Variants in SMOC1 observed in about 807,000 individuals in gnomAD.
The protein encoded by SMOC1 is SPARC related modular calcium binding 1, also known as SPARC-related modular calcium-binding protein 1.
In SMOC1, 22 loss-of-function variants were observed where a neutral mutation model predicts 56.3. The observed-to-expected ratio is 0.39, with a 90% CI of 0.28 to 0.56. The LOEUF (loss-of-function observed/expected upper bound fraction) is 0.56, where lower values mean the gene tolerates loss of function less well. SMOC1 is among the 20% of genes least tolerant of loss of function. The pLI is 0.61. For missense variants in SMOC1, 509 were observed against 565.4 expected, an observed-to-expected ratio of 0.90 and a Z score of 1.01; for synonymous variants, 193 against 215.0, an observed-to-expected ratio of 0.90 and a Z score of 0.89.
intron 3 of SMOC1, among the ~76,000 whole-genome samples, chr14:69,962,797 G>T (rs139341309): frequency 2.6e-5 from 4 of 151,206 alleles, no homozygotes; most frequent in African/African-American, 9.7e-5. Flanking sequence ...GGCTGGTCTT[G>T]AACTCCTGAG....
chr14:70,027,249 G>A lies in SMOC1; in HGVS notation c.1292-2993G>A, dbSNP rs139641442. On this transcript the variant is annotated intron_variant, in intron 11 of 11. Transcript: ENST00000361956. Reference sequence around the variant, plus strand: ...CATGTGAGGTACCACCACTGCTGGCGCTTGGCCCAGCCTCAGGATTCCTGG... The same window carrying A: ...CATGTGAGGTACCACCACTGCTGGCACTTGGCCCAGCCTCAGGATTCCTGG... Among the ~76,000 whole-genome samples the A allele has an allele frequency of 2.0e-3, 311 of 152,334 alleles. 7 individuals carry two copies. The highest frequency in any genetic ancestry group is 0.017 in the Admixed American group (256 of 15,306).
At chr14:70,029,771 A>G (rs1361762326) in intron 11 of SMOC1, among the ~76,000 whole-genome samples, 1 of 152,184 alleles carries the variant, frequency 6.6e-6, no homozygotes, top group Non-Finnish European at 1.5e-5. Flanking sequence ...GGGATTGGCC[A>G]GGTGACTTAA....
intron 7 of SMOC1, among the ~76,000 whole-genome samples, chr14:70,000,887 C>A (rs1009085374): frequency 5.3e-5 from 8 of 152,348 alleles, no homozygotes; most frequent in African/African-American, 1.9e-4. Context: ...CTGTAAACAT[C>A]CCTGTGAGGA....
At chr14:69,995,539 A>C (rs555077557) in intron 7 of SMOC1, among the ~76,000 whole-genome samples, 1 of 152,332 alleles carries the variant, frequency 6.6e-6, no homozygotes, top group East Asian at 1.9e-4. Context: ...GCAGTGGTTA[A>C]AGCACAGGCT....
intron 3 of SMOC1, among the ~76,000 whole-genome samples, chr14:69,962,353 T>C (rs1585375): frequency 0.34 from 52,067 of 151,676 alleles, 9,245 homozygotes; most frequent in African/African-American, 0.42. Flanking sequence ...ATATTAGAGA[T>C]GGGGTTTCAC....
chr14:69,988,282 G>T (rs966429021), intron 5 of SMOC1, among the ~76,000 whole-genome samples: 8 of 105,282 alleles, frequency 7.6e-5, no homozygotes, highest in Non-Finnish European at 1.1e-4. Flanking sequence ...GATAATCTTT[G>T]AATTGGCTTT....
intron 1 of SMOC1, among the ~76,000 whole-genome samples, chr14:69,929,068 G>A (rs962203912): frequency 2.0e-5 from 3 of 152,190 alleles, no homozygotes; most frequent in Admixed American, 6.5e-5. Context: ...GGGGTTGCAA[G>A]CTTGCAAGCT....
chr14:69,963,671 C>A (rs1458717414), intron 3 of SMOC1, among the ~76,000 whole-genome samples: 2 of 152,106 alleles, frequency 1.3e-5, no homozygotes, highest in African/African-American at 4.8e-5. Context: ...CAGCCAGTAG[C>A]CAGCTTCCCA....
intron 1 of SMOC1, among the ~76,000 whole-genome samples, chr14:69,948,200 G>A (rs74906114): frequency 7.3e-4 from 111 of 152,276 alleles, no homozygotes; most frequent in African/African-American, 2.6e-3. Context: ...TAGTCATCTG[G>A]TTAAAGCTTC....
At chr14:69,883,171 C>T (rs1334830501) in intron 1 of SMOC1, among the ~76,000 whole-genome samples, 3 of 152,176 alleles carry the variant, frequency 2.0e-5, no homozygotes, top group Non-Finnish European at 4.4e-5. Context: ...TTGCATTTTT[C>T]AAGGATACAA....
At chr14:69,943,839 G>A (rs1244393055) in intron 1 of SMOC1, among the ~76,000 whole-genome samples, 1 of 152,172 alleles carries the variant, frequency 6.6e-6, no homozygotes, top group African/African-American at 2.4e-5. Flanking sequence ...CTGTTCTCCT[G>A]GGGGCAACTA....
At chr14:69,958,000 G>A (rs12590730) in intron 3 of SMOC1, among the ~76,000 whole-genome samples, 52,409 of 152,048 alleles carry the variant, frequency 0.34, 9,402 homozygotes, top group African/African-American at 0.42. Flanking sequence ...ATAATATTTC[G>A]AAAGCTCATT....
intron 7 of SMOC1, among the ~76,000 whole-genome samples, chr14:70,001,359 A>G (rs137951852): frequency 6.6e-6 from 1 of 152,178 alleles, no homozygotes; most frequent in Non-Finnish European, 1.5e-5. Context: ...TACAAGGAAC[A>G]TTTAAGGCAG....
At chr14:70,019,260 G>C (rs1885628235) in intron 10 of SMOC1, among the ~76,000 whole-genome samples, 1 of 152,240 alleles carries the variant, frequency 6.6e-6, no homozygotes, top group South Asian at 2.1e-4. Context: ...AAACAGCCCA[G>C]AGGTAGGGCA....
rs1394098616 is a variant in SMOC1, at chr14:69,977,908, C to A, written c.479-10C>A. 1 of 1,613,740 alleles carries A rather than the reference C, an allele frequency of 6.2e-7. No homozygotes were observed. Among genetic ancestry groups the A allele is most frequent in the Admixed American group, 1.7e-5 (1 of 60,020 alleles). On this transcript the variant is annotated splice_polypyrimidine_tract_variant and intron_variant, in intron 4 of 11. Coordinates refer to ENST00000361956, the MANE Select transcript of SMOC1 (RefSeq NM_001034852.3). ...GAGTGGCTATGTTTTTGTTTCCCTT[C>A]TCACCCAAGGTTCAGTCACCGACAA...
At chr14:69,969,366 C>T (rs955644958) in intron 3 of SMOC1, among the ~76,000 whole-genome samples, 9 of 152,202 alleles carry the variant, frequency 5.9e-5, no homozygotes, top group South Asian at 2.1e-4. Flanking sequence ...GCATCTACTC[C>T]GCTTCTGGAA....
intron 1 of SMOC1, among the ~76,000 whole-genome samples, chr14:69,912,737 G>A (rs900719918): frequency 6.6e-6 from 1 of 152,182 alleles, no homozygotes; most frequent in African/African-American, 2.4e-5. Context: ...AGGCAGGAGA[G>A]AGGGAAAAGG....
At chr14:69,943,385 A>T (rs527513623) in intron 1 of SMOC1, among the ~76,000 whole-genome samples, 2 of 152,156 alleles carry the variant, frequency 1.3e-5, no homozygotes, top group Non-Finnish European at 2.9e-5. Flanking sequence ...TTCAGTGGTC[A>T]TGGGGTCAGG....
chr14:69,973,872 C>A (rs1883866716), intron 3 of SMOC1, among the ~76,000 whole-genome samples: 1 of 152,190 alleles, frequency 6.6e-6, no homozygotes, highest in East Asian at 1.9e-4. Context: ...CCATCCCTTA[C>A]CACTCAATTT....
Sources: allele counts gnomAD v4.1 joint callset (sites outside exome capture counted in the v4.1 genomes callset), GRCh38; gene constraint gnomAD v4.1.1; transcripts MANE v1.5; gene names NCBI Gene and HGNC (gene_info 2026-07-23, HGNC 2026-07-21).